STX8: variants seen among roughly 807,000 people sequenced by gnomAD.
STX8 encodes the protein syntaxin 8.
In STX8, 23 loss-of-function variants were observed where a neutral mutation model predicts 37.5. The ratio of observed to expected loss-of-function variants is 0.61; its 90% CI spans 0.44 to 0.87. The LOEUF (loss-of-function observed/expected upper bound fraction) is 0.87, where lower values mean the gene tolerates loss of function less well. Ranked by LOEUF, STX8 falls within the 40% of genes least tolerant of loss-of-function variation. The pLI, the probability that STX8 is intolerant of heterozygous loss-of-function variation, is 0.00. For missense variants in STX8, 313 were observed against 284.7 expected (o/e 1.10, Z -0.71); for synonymous variants, 115 against 99.1 (o/e 1.16, Z -0.95).
chr17:9,567,751 ATCT>A (rs1211627635), intron 2 of STX8, among the ~76,000 whole-genome samples: 20 of 152,260 alleles, frequency 1.3e-4, no homozygotes, highest in African/African-American at 4.8e-4. Context: ...CAGTGGCACG[ATCT>A]TAGCTCACTG....
At chr17:9,562,947 G>A (rs1000426473) in intron 2 of STX8, among the ~76,000 whole-genome samples, 16 of 152,040 alleles carry the variant, frequency 1.1e-4, no homozygotes, top group African/African-American at 3.1e-4. Context: ...TATTTACTGC[G>A]GTGTTATTCA....
At chr17:9,278,098 T>G (rs980363723) in intron 7 of STX8, among the ~76,000 whole-genome samples, 2 of 152,040 alleles carry the variant, frequency 1.3e-5, no homozygotes, top group African/African-American at 4.8e-5. Context: ...TATCCCAGCA[T>G]CTGGGTAAGA....
chr17:9,557,157 G>A (rs1249478731), intron 3 of STX8: 12 of 309,904 alleles, frequency 3.9e-5, no homozygotes, highest in East Asian at 1.3e-4. Flanking sequence ...GTGGGGCTCC[G>A]TAAATACCGC....
At chr17:9,288,104 G>C (rs1445854061) in intron 7 of STX8, among the ~76,000 whole-genome samples, 3 of 118,622 alleles carry the variant, frequency 2.5e-5, no homozygotes, top group East Asian at 2.6e-4. Flanking sequence ...ACAAGGGGGG[G>C]GGGGGGGAGA....
At chr17:9,332,374 G>A (rs1175297579) in intron 7 of STX8, among the ~76,000 whole-genome samples, 2 of 152,174 alleles carry the variant, frequency 1.3e-5, no homozygotes, top group East Asian at 3.8e-4. Context: ...CAAATCATCA[G>A]ATCGACGTGC....
intron 4 of STX8, among the ~76,000 whole-genome samples, chr17:9,539,671 C>T (rs897376597): frequency 1.3e-5 from 2 of 151,780 alleles, no homozygotes; most frequent in African/African-American, 4.8e-5. Flanking sequence ...TGACCCCCCC[C>T]ACCCCAAAAC....
chr17:9,288,530 C>T (rs985503962), intron 7 of STX8, among the ~76,000 whole-genome samples: 4 of 151,976 alleles, frequency 2.6e-5, no homozygotes, highest in East Asian at 1.9e-4. Flanking sequence ...GGCGTGGTGG[C>T]AGGCGCCTGT....
chr17:9,313,569 A>G (rs1909269558), intron 7 of STX8, among the ~76,000 whole-genome samples: 1 of 152,242 alleles, frequency 6.6e-6, no homozygotes, highest in African/African-American at 2.4e-5. Context: ...CCCAGCTGCC[A>G]TGCCCATCAC....
intron 2 of STX8, among the ~76,000 whole-genome samples, chr17:9,563,152 C>CATTTATTT (rs55853449): frequency 0.023 from 3,337 of 142,062 alleles, 48 homozygotes; most frequent in East Asian, 0.068. Context: ...TTCATTCATC[C>CATTTATTT]ATTTATTTAT....
chr17:9,304,507 C>CAAAAAAAA (rs35673905), intron 7 of STX8, among the ~76,000 whole-genome samples: 35 of 56,702 alleles, frequency 6.2e-4, no homozygotes, highest in African/African-American at 7.6e-4. Context: ...GAAACTGTCT[C>CAAAAAAAA]AAAAAAAAAA....
intron 1 of STX8, among the ~76,000 whole-genome samples, chr17:9,573,806 C>T (rs536160894): frequency 2.6e-5 from 4 of 152,228 alleles, no homozygotes; most frequent in South Asian, 2.1e-4. Flanking sequence ...AAATGCTTCA[C>T]TTTCAACAGT....
intron 7 of STX8, among the ~76,000 whole-genome samples, chr17:9,296,206 C>T (rs1373549506): frequency 1.1e-4 from 16 of 149,952 alleles, no homozygotes; most frequent in Admixed American, 1.1e-3. Context: ...ATTAGCCAGG[C>T]ATGGTGGTGC....
At chr17:9,491,457 A>G (rs367639611) in intron 6 of STX8, among the ~76,000 whole-genome samples, 53 of 152,156 alleles carry the variant, frequency 3.5e-4, no homozygotes, top group African/African-American at 1.2e-3. Flanking sequence ...GGTACATAGG[A>G]TCGAAGAAGA....
intron 7 of STX8, among the ~76,000 whole-genome samples, chr17:9,291,120 A>G (rs1908297373): frequency 6.6e-6 from 1 of 152,208 alleles, no homozygotes; most frequent in Admixed American, 6.5e-5. Context: ...ACTGAGATTA[A>G]ATATTCAGTA....
intron 7 of STX8, among the ~76,000 whole-genome samples, chr17:9,366,143 T>C (rs1278696842): frequency 6.6e-6 from 1 of 152,230 alleles, no homozygotes; most frequent in Admixed American, 6.5e-5. Context: ...AGGCTATGTC[T>C]TAGAGAAACC....
chr17:9,254,942 T>C (rs1906733886), intron 7 of STX8, among the ~76,000 whole-genome samples: 2 of 152,058 alleles, frequency 1.3e-5, no homozygotes, highest in South Asian at 4.1e-4. Flanking sequence ...GAAGGAGTGG[T>C]CAGCAGAGAG....
intron 5 of STX8, among the ~76,000 whole-genome samples, chr17:9,494,806 T>C (rs1272839539): frequency 6.6e-6 from 1 of 152,222 alleles, no homozygotes; most frequent in Middle Eastern, 3.4e-3. Context: ...ATTTAATATG[T>C]ATATTTTGAA....
rs536487796 is a variant in STX8 at position 9,535,038 on chromosome 17, AAATAG to A, written c.323+10129_323+10133del. Reference sequence around the variant, plus strand: ...AAGTAAAAAATATCGTCAGTCACAAAAATAGAATAGAGCCAAGTAGGAAAAACGTA... The same window carrying A: ...AAGTAAAAAATATCGTCAGTCACAAAAATAGAGCCAAGTAGGAAAAACGTA... On this transcript the variant is annotated intron_variant, in intron 4 of 7. Coordinates refer to ENST00000306357, the MANE Select transcript of STX8 (RefSeq NM_004853.3). Among the ~76,000 whole-genome samples, 300 of 152,292 alleles carry A rather than the reference AAATAG, an allele frequency of 2.0e-3. 8 individuals are homozygous for A. The highest frequency in any genetic ancestry group is 0.018 in the Admixed American group (282 of 15,288).
At chr17:9,392,261 C>G (rs1159143113) in intron 6 of STX8, among the ~76,000 whole-genome samples, 2 of 152,062 alleles carry the variant, frequency 1.3e-5, no homozygotes, top group Non-Finnish European at 2.9e-5. Context: ...GCATAAGAAA[C>G]CTGGGAAAAG....
Sources: gnomAD v4.1 joint callset for allele counts (sites outside exome capture counted in the v4.1 genomes callset) on GRCh38, gnomAD v4.1.1 for gene constraint, MANE v1.5 for transcripts, NCBI Gene and HGNC (gene_info 2026-07-23, HGNC 2026-07-21) for gene names.